Variants in STXBP4 observed in about 807,000 individuals in gnomAD.
The protein encoded by STXBP4 is syntaxin-binding protein 4.
A neutral mutation model predicts 76.1 loss-of-function variants in STXBP4; 55 were observed. That is an observed-to-expected ratio of 0.72 (90% CI 0.58 to 0.91). STXBP4 has a LOEUF of 0.91. Among genes scored for constraint, STXBP4 ranks in the 40% least tolerant of loss-of-function variants. The pLI, the probability that STXBP4 is intolerant of heterozygous loss-of-function variation, is 0.00. For synonymous variants in STXBP4, 201 were observed against 220.2 expected, an observed-to-expected ratio of 0.91 and a Z score of 0.77; for missense variants, 618 against 636.9, an observed-to-expected ratio of 0.97 and a Z score of 0.32.
At chr17:55,049,324 A>G (rs971125764) in intron 12 of STXBP4, among the ~76,000 whole-genome samples, 57 of 152,078 alleles carry the variant, frequency 3.7e-4, no homozygotes, top group African/African-American at 1.3e-3. Flanking sequence ...AGAACTTCAT[A>G]TATTTTATTG....
At chr17:55,049,596 T>C (rs2078833631) in intron 12 of STXBP4, among the ~76,000 whole-genome samples, 1 of 151,798 alleles carries the variant, frequency 6.6e-6, no homozygotes, top group Non-Finnish European at 1.5e-5. Context: ...ACCTATAGAA[T>C]GAAAATACAA....
At chr17:55,187,677 A>G in the STXBP4 span, among the ~76,000 whole-genome samples, 1 of 152,280 alleles carries the variant, frequency 6.6e-6, no homozygotes, top group East Asian at 1.9e-4. Context: ...CCCCCCAGGG[A>G]GGCTGCCAAG....
intron 12 of STXBP4, among the ~76,000 whole-genome samples, chr17:55,057,496 T>C (rs1351245566): frequency 6.6e-6 from 1 of 152,164 alleles, no homozygotes; most frequent in Non-Finnish European, 1.5e-5. Flanking sequence ...TAAAGCAGCC[T>C]CTTTCTTCTT....
At chr17:55,019,676 CTAAG>C (rs995412881) in intron 8 of STXBP4, among the ~76,000 whole-genome samples, 2 of 151,988 alleles carry the variant, frequency 1.3e-5, no homozygotes, top group Non-Finnish European at 2.9e-5. Flanking sequence ...TCCCTTTTCT[CTAAG>C]TAACCCCTTT....
chr17:55,177,994 C>T (rs972953952), downstream of STXBP4, among the ~76,000 whole-genome samples: 1 of 152,210 alleles, frequency 6.6e-6, no homozygotes, highest in Non-Finnish European at 1.5e-5. Context: ...TGTGCGTCCT[C>T]CCTCTCCCTG....
intron 16 of STXBP4, among the ~76,000 whole-genome samples, chr17:55,084,753 T>G (rs2079302185): frequency 6.6e-6 from 1 of 152,190 alleles, no homozygotes; most frequent in Admixed American, 6.5e-5. Flanking sequence ...TTTCCCCATT[T>G]CTTGTTTTTG....
In STXBP4 at chr17:55,084,622, G is replaced by A. The variant is rs1366516238; in HGVS notation, c.1489+3439G>A. ...GGGTTTTTATGGTTTTAGGTCTAAC[G>A]TTTAAGTCTTTAATCCATCTTGAAT... On this transcript the variant is annotated intron_variant, in intron 16 of 17. Transcript: ENST00000376352. 5.3e-5 allele frequency among the ~76,000 whole-genome samples: 8 copies of A among 151,328 alleles called. No individual in the cohort carries two copies. In the East Asian group the frequency reaches 7.7e-4, roughly 15 times the overall value.
chr17:55,046,967 C>T (rs1025760593), intron 11 of STXBP4, 122 bp from the exon 12 acceptor site: 1 of 556,498 alleles, frequency 1.8e-6, no homozygotes, highest in Non-Finnish European at 3.2e-6. Context: ...TGACTAGGAG[C>T]AATATTTTCA....
At chr17:55,184,806 G>A in the STXBP4 span, among the ~76,000 whole-genome samples, 1 of 152,162 alleles carries the variant, frequency 6.6e-6, no homozygotes, top group Non-Finnish European at 1.5e-5. Flanking sequence ...GGGGGTCTGT[G>A]GATTAGATGG....
chr17:55,154,421 A>G (rs2080254333), intron 17 of STXBP4, among the ~76,000 whole-genome samples: 2 of 152,232 alleles, frequency 1.3e-5, no homozygotes, highest in South Asian at 4.1e-4. Flanking sequence ...GCCAACAGGT[A>G]TATGAAAAAG....
chr17:55,047,944 G>T (rs2078811310), intron 12 of STXBP4, among the ~76,000 whole-genome samples: 2 of 151,838 alleles, frequency 1.3e-5, no homozygotes, highest in Admixed American at 6.6e-5. Flanking sequence ...AACAGAGGAG[G>T]CAAGGCTTGA....
At chr17:55,075,981 T>C (rs999533704) in intron 13 of STXBP4, among the ~76,000 whole-genome samples, 1 of 152,194 alleles carries the variant, frequency 6.6e-6, no homozygotes, top group African/African-American at 2.4e-5. Flanking sequence ...CATTTGTGTT[T>C]CTCTGTGAAA....
intron 8 of STXBP4, among the ~76,000 whole-genome samples, chr17:55,029,779 C>G (rs1367001939): frequency 6.6e-6 from 1 of 152,002 alleles, no homozygotes; most frequent in Non-Finnish European, 1.5e-5. Context: ...ATGTGTTTTA[C>G]TTATTTCTTT....
intron 8 of STXBP4, among the ~76,000 whole-genome samples, chr17:55,027,610 A>G (rs2078438772): frequency 6.6e-6 from 1 of 152,238 alleles, no homozygotes; most frequent in South Asian, 2.1e-4. Context: ...GATTTGAAAT[A>G]TGTAGTAAGC....
At chr17:55,186,058 C>T in the STXBP4 span, among the ~76,000 whole-genome samples, 14 of 152,264 alleles carry the variant, frequency 9.2e-5, no homozygotes, top group Non-Finnish European at 1.0e-4. Context: ...ACAATTACTA[C>T]GCCAACCCCT....
At chr17:55,015,642 TG>T (rs1438634846) in intron 8 of STXBP4, among the ~76,000 whole-genome samples, 6 of 151,594 alleles carry the variant, frequency 4.0e-5, no homozygotes, top group Non-Finnish European at 7.4e-5. Flanking sequence ...CTGCTTGGAG[TG>T]GGCATAATCG....
In STXBP4 at chr17:54,968,768, T is replaced by G. The variant is rs1598126430; in HGVS notation, c.-204T>G. The G allele has an allele frequency of 8.4e-7, 1 of 1,194,296 alleles. No individual in the cohort carries two copies. Among genetic ancestry groups the G allele is most frequent in the Non-Finnish European group, 1.2e-6 (1 of 856,742 alleles). The allele number at this position is 1,194,296 out of a possible 1,614,324, so 74.0% of individuals were successfully genotyped here. On this transcript the variant is annotated 5_prime_UTR_variant, in exon 1 of 18. Coordinates refer to ENST00000376352, the MANE Select transcript of STXBP4 (RefSeq NM_178509.6). ...TGCCTTGGCTACCAGGCTCCTCAGGTGGCAGCGCTTGCAGTCGGGCTACGG... is the reference window on the plus strand; with the variant it reads ...TGCCTTGGCTACCAGGCTCCTCAGGGGGCAGCGCTTGCAGTCGGGCTACGG...
At chr17:55,052,387 G>A (rs960508732) in intron 12 of STXBP4, among the ~76,000 whole-genome samples, 50 of 152,194 alleles carry the variant, frequency 3.3e-4, no homozygotes, top group African/African-American at 1.0e-3. Context: ...AGAAGAAATC[G>A]TAATTCACGG....
rs2080328311 is a variant in STXBP4 at position 55,160,603 on chromosome 17, C to G, written c.*692C>G. 6.5e-6 allele frequency: 1 copy of G among 152,734 alleles called. No homozygotes were observed. The highest frequency in any genetic ancestry group is 6.5e-5 in the Admixed American group (1 of 15,282). 9.5% of individuals were successfully genotyped at this position (152,734 alleles called of 1,614,324 possible). ...AGACTCACTCCTAAGTCTTCTGATT[C>G]CATGAGCAGTCCCCCTTCCCCCATA... is the stretch of plus-strand genomic sequence containing the variant. On this transcript the variant is annotated 3_prime_UTR_variant, in exon 18 of 18. Transcript: ENST00000376352.
Sources: allele counts gnomAD v4.1 joint callset (sites outside exome capture counted in the v4.1 genomes callset), GRCh38; gene constraint gnomAD v4.1.1; transcripts MANE v1.5; gene names NCBI Gene and HGNC (gene_info 2026-07-23, HGNC 2026-07-21).